The following SBF1 variants were observed in gnomAD, a reference collection of about 807,000 sequenced individuals.
The protein encoded by SBF1 is myotubularin-related protein 5.
SBF1 carries 65 observed loss-of-function variants against 215.8 expected under a neutral mutation model. The ratio of observed to expected loss-of-function variants is 0.30; its 90% CI spans 0.25 to 0.37. The LOEUF (loss-of-function observed/expected upper bound fraction) is 0.37. SBF1 is among the 10% of genes least tolerant of loss of function. SBF1 has a pLI of 1.00. For missense variants in SBF1, 2,634 were observed against 2,667.8 expected, an observed-to-expected ratio of 0.99 and a Z score of 0.28; for synonymous variants, 1,410 against 1,122.8, an observed-to-expected ratio of 1.26 and a Z score of -5.11.
chr22:50,472,398 G>A (rs2068027266), intron 1 of SBF1, among the ~76,000 whole-genome samples: 2 of 152,290 alleles, frequency 1.3e-5, no homozygotes, highest in Non-Finnish European at 1.5e-5. Context: ...CCCAACCCAA[G>A]AGACCCTGCA....
chr22:50,464,780 A>C (rs1391811744), intron 13 of SBF1, 39 bp downstream of exon 13: 1 of 1,611,914 alleles, frequency 6.2e-7, no homozygotes, highest in Non-Finnish European at 8.5e-7. Flanking sequence ...CCCAGGGATC[A>C]AGGCGGTACG....
chr22:50,461,524 C>T lies in SBF1; in HGVS notation c.2838G>A (p.Leu946=). The change falls in exon 22 of 41, where the codon CTG becomes CTA. Residue 946 remains leucine, a splice_region_variant and synonymous_variant. Coordinates refer to ENST00000380817, the MANE Select transcript of SBF1 (RefSeq NM_002972.4). Reference sequence around the variant, plus strand: ...GGGCCAGAGAGTCTGCAGGCTCACCCAGGGGGTCCGTGGGCATCCCCGTGA... The same window carrying T: ...GGGCCAGAGAGTCTGCAGGCTCACCTAGGGGGTCCGTGGGCATCCCCGTGA... ...VIFTGMPTDP[L]VGEQVVVRSF... 6.3e-7 allele frequency: 1 copy of T among 1,595,800 alleles called. No individual in the cohort carries two copies. The highest frequency in any genetic ancestry group is 8.6e-7 in the Non-Finnish European group (1 of 1,167,702).
chr22:50,474,688 GGCCCCCA>G, intron 1 of SBF1, 91 bp downstream of exon 1: 2 of 773,106 alleles, frequency 2.6e-6, no homozygotes, highest in Non-Finnish European at 1.8e-6. Context: ...CCCAGCCCTC[GGCCCCCA>G]GCCCCCGGCC....
chr22:50,462,220 C>T lies in SBF1; in HGVS notation c.2381G>A (p.Ser794Asn), dbSNP rs1368021053. The change falls in exon 19 of 41, where the codon AGC becomes AAC. Residue 794 changes from serine to asparagine, a missense_variant. Transcript: ENST00000380817. ...GLGDLESASNSLVTNSMAGSV... is the reference protein window; with the variant it reads ...GLGDLESASNNLVTNSMAGSV... ...CCTGCCTCACCTGTTGGTGACCAGG[C>T]TGTTGCTGGCGCTCTCCAGGTCGCC... 1 of 1,607,458 alleles carries T rather than the reference C, an allele frequency of 6.2e-7. No homozygotes were observed. The highest frequency in any genetic ancestry group is 1.7e-5 in the Admixed American group (1 of 60,036).
Position 50,464,587 on chromosome 22 carries a change from G to C in SBF1, c.1583C>G (p.Pro528Arg), listed in dbSNP as rs752860437. The C allele has an allele frequency of 2.5e-6, 4 of 1,612,032 alleles. No individual in the cohort carries two copies. In the African/African-American group the frequency reaches 5.3e-5, roughly 22 times the overall value. The change falls in exon 14 of 41, where the codon CCC becomes CGC. Residue 528 changes from proline to arginine, a missense_variant. Physicochemically the swap from Pro to Arg is moderately radical, Grantham distance 103. Transcript: ENST00000380817. ...DQAAAKMQGAPPAVKAERRTT... is the reference protein window; with the variant it reads ...DQAAAKMQGARPAVKAERRTT... Reference sequence around the variant, plus strand: ...CCTCCTCTCGGCCTTCACAGCTGGGGGTGCACCCTGCATCTTGGCTGCAGC... The same window carrying C: ...CCTCCTCTCGGCCTTCACAGCTGGGCGTGCACCCTGCATCTTGGCTGCAGC...
Position 50,464,388 on chromosome 22 carries a change from C to T in SBF1, c.1690G>A (p.Glu564Lys). Residue 564 changes from glutamate to lysine, a missense_variant, in exon 15 of 41, where the codon GAG becomes AAG. Glu to Lys is a moderately conservative substitution (Grantham distance 56). Transcript: ENST00000380817. The part of the protein sequence containing the change: ...GLHVNSARRL[E>K]VVRNCISYVF... ...TAGGAGATGCAGTTGCGCACAACCTCCAGCCGCCGGGCGCTGTTGACATGC... is the reference window on the plus strand; with the variant it reads ...TAGGAGATGCAGTTGCGCACAACCTTCAGCCGCCGGGCGCTGTTGACATGC... 1 of 1,614,136 alleles carries T rather than the reference C, an allele frequency of 6.2e-7. No homozygotes were observed. Among genetic ancestry groups the T allele is most frequent in the Middle Eastern group, 1.6e-4 (1 of 6,062 alleles).
At position 50,448,328 on chromosome 22, in the gene SBF1, C is replaced by A. The variant is rs779908557; in HGVS notation, c.5268G>T (p.Gln1756His). ...AGCCGGATGTGGTTGAGCCACTACT[C>A]TGGTCGCTGTCCAGGCTGAGGCTCA... ...STLSLSLDSD[Q>H]SSGSTTSGSR... is the part of the protein sequence containing the mutation. The change falls in exon 38 of 41, where the codon CAG becomes CAT. Residue 1756 changes from glutamine (Q) to histidine (H), a missense_variant. Gln to His is a conservative substitution (Grantham distance 24, BLOSUM62 0). Coordinates refer to ENST00000380817, the MANE Select transcript of SBF1 (RefSeq NM_002972.4). 38 of 1,613,570 alleles carry A rather than the reference C, an allele frequency of 2.4e-5. No individual in the cohort carries two copies. Among genetic ancestry groups the A allele is most frequent in the Admixed American group, 1.0e-4 (6 of 60,008 alleles).
At position 50,456,518 on chromosome 22, in the gene SBF1, T is replaced by A. The variant is rs1351430995; in HGVS notation, c.4060A>T (p.Ile1354Phe). Residue 1354 changes from isoleucine to phenylalanine, a missense_variant, in exon 30 of 41, where the codon ATC becomes TTC. Ile to Phe is a conservative substitution (Grantham distance 21, BLOSUM62 0). Coordinates refer to ENST00000380817, the MANE Select transcript of SBF1 (RefSeq NM_002972.4). ...TTGAGCTGGGCTTTGTCCCCAAGGATATAGAGGGCTGCTCGCTGCGGACGC... is the reference window on the plus strand; with the variant it reads ...TTGAGCTGGGCTTTGTCCCCAAGGAAATAGAGGGCTGCTCGCTGCGGACGC... ...FLRPQRAALY[I>F]LGDKAQLKGV... The A allele has an allele frequency of 6.7e-7, 1 of 1,496,046 alleles. No homozygotes were observed. Among genetic ancestry groups the A allele is most frequent in the South Asian group, 1.2e-5 (1 of 85,348 alleles). 92.7% of individuals were successfully genotyped at this position (1,496,046 alleles called of 1,614,324 possible). A position where few individuals can be genotyped will look rare whatever the true frequency, so the allele number is the denominator to read the frequency against.
At chr22:50,459,784 G>C in intron 26 of SBF1, 118 bp from the exon 27 acceptor site, 1 of 1,344,494 alleles carries the variant, frequency 7.4e-7, no homozygotes, top group Middle Eastern at 2.3e-4. Context: ...TTCCAGCTCA[G>C]CCACGGGGCC....
intron 38 of SBF1, among the ~76,000 whole-genome samples, 198 bp from the exon 39 acceptor site, chr22:50,447,807 C>T (rs1327862659): frequency 7.9e-5 from 12 of 152,238 alleles, no homozygotes. Context: ...CCCAAGAAGA[C>T]GACGCCCAGA....
intron 28 of SBF1, 150 bp from the exon 29 acceptor site, chr22:50,457,261 T>C (rs1261042103): frequency 7.1e-6 from 4 of 565,364 alleles, no homozygotes; most frequent in Non-Finnish European, 8.6e-6. Context: ...CGCAGGAAAG[T>C]GGGAAGAGCC....
chr22:50,462,944 G>C lies in SBF1; in HGVS notation c.1900-6C>G, dbSNP rs777641509. Reference sequence around the variant, plus strand: ...TCGTCCAGAGAAGTGCAGTCCTGCAGGTAGAGCGAGAGACCGTCAGGACCT... The same window carrying C: ...TCGTCCAGAGAAGTGCAGTCCTGCACGTAGAGCGAGAGACCGTCAGGACCT... On this transcript the variant is annotated splice_region_variant and splice_polypyrimidine_tract_variant and intron_variant, in intron 16 of 40. Coordinates refer to ENST00000380817, the MANE Select transcript of SBF1 (RefSeq NM_002972.4). 1.9e-6 allele frequency: 3 copies of C among 1,611,086 alleles called. No homozygotes were observed. Among genetic ancestry groups the C allele is most frequent in the South Asian group, 1.1e-5 (1 of 90,546 alleles).
Position 50,466,630 on chromosome 22 carries a change from G to A in SBF1, c.630C>T (p.Ser210=), listed in dbSNP as rs181765196. 162 of 1,552,314 alleles carry A rather than the reference G, an allele frequency of 1.0e-4. No individual in the cohort carries two copies. In the African/African-American group the frequency reaches 1.8e-3, roughly 17 times the overall value. Residue 210 remains serine, a synonymous_variant, in exon 6 of 41, where the codon AGC becomes AGT. Coordinates refer to ENST00000380817, the MANE Select transcript of SBF1 (RefSeq NM_002972.4). ...CTAGCTGGCGGAAGAGCAGGGCCAC[G>A]CTGCAGCGGCTGACGGGCAGCGAGT... ...LADSLPVSRC[S]VALLFRQLGI...
chr22:50,462,534 C>A (rs1357765080), intron 18 of SBF1, 25 bp downstream of exon 18: 1 of 1,610,136 alleles, frequency 6.2e-7, no homozygotes, highest in African/African-American at 1.3e-5. Context: ...GCCCCCAGCC[C>A]CCAGCCCAGG....
Position 50,464,525 on chromosome 22 carries a change from A to G in SBF1, c.1636+9T>C. Reference sequence around the variant, plus strand: ...CTCGGGGCCTGCCTTCCCCTCCCTCATTACGCACTCATGGGGGGCCCTGAG... The same window carrying G: ...CTCGGGGCCTGCCTTCCCCTCCCTCGTTACGCACTCATGGGGGGCCCTGAG... On this transcript the variant is annotated intron_variant, in intron 14 of 40. Coordinates refer to ENST00000380817, the MANE Select transcript of SBF1 (RefSeq NM_002972.4). 1.9e-6 allele frequency: 3 copies of G among 1,606,214 alleles called. No homozygotes were observed. Among genetic ancestry groups the G allele is most frequent in the African/African-American group, 1.3e-5 (1 of 74,902 alleles).
intron 5 of SBF1, 141 bp downstream of exon 5, chr22:50,467,197 G>T: frequency 1.5e-6 from 1 of 680,952 alleles, no homozygotes; most frequent in Non-Finnish European, 2.5e-6. Context: ...GGACTGTTGG[G>T]GGCAATGGTG....
rs765474294 is a variant in SBF1 at position 50,448,288 on chromosome 22, G to A, written c.5308C>T (p.Arg1770Cys). The A allele has an allele frequency of 4.6e-5, 74 of 1,613,008 alleles. No homozygotes were observed. Among genetic ancestry groups the A allele is most frequent in the Middle Eastern group, 1.7e-4 (1 of 5,774 alleles). The change falls in exon 38 of 41, where the codon CGC becomes TGC. Residue 1770 changes from arginine to cysteine, a missense_variant. Transcript: ENST00000380817. ...CTGTACAGGGTGCTGGTGCTGCGGC[G>A]GGCAGCCTGACGGGAGCCGGATGTG... ...STTSGSRQAA[R>C]RSTSTLYSQF...
chr22:50,471,998 A>C (rs142756706), intron 1 of SBF1, among the ~76,000 whole-genome samples: 19 of 152,344 alleles, frequency 1.2e-4, no homozygotes, highest in Non-Finnish European at 2.5e-4. Context: ...GGTCAGGGCC[A>C]GATCAAATGT....
At chr22:50,453,711 C>T (rs565083621) in intron 36 of SBF1, among the ~76,000 whole-genome samples, 73 of 152,224 alleles carry the variant, frequency 4.8e-4, no homozygotes, top group African/African-American at 1.6e-3. Context: ...GGTGTGAACC[C>T]GGGAGACGGA....
Sources: gnomAD v4.1 joint callset for allele counts (sites outside exome capture counted in the v4.1 genomes callset) on GRCh38, gnomAD v4.1.1 for gene constraint, MANE v1.5 for transcripts, NCBI Gene and HGNC (gene_info 2026-07-23, HGNC 2026-07-21) for gene names.